The following TTI2 variants were observed in gnomAD, a reference collection of about 807,000 sequenced individuals.
The protein encoded by TTI2 is TELO2-interacting protein 2.
TTI2 carries 26 observed loss-of-function variants against 44.9 expected under a neutral mutation model. That is an observed-to-expected ratio of 0.58 (90% CI 0.42 to 0.80). The LOEUF (loss-of-function observed/expected upper bound fraction) is 0.80, where lower values mean the gene tolerates loss of function less well. TTI2 is among the 30% of genes least tolerant of loss of function. The pLI is 0.00. For synonymous variants in TTI2, 254 were observed against 250.9 expected, an observed-to-expected ratio of 1.01 and a Z score of -0.12; for missense variants, 582 against 611.6, an observed-to-expected ratio of 0.95 and a Z score of 0.51.
At chr8:33,503,139 A>C (rs201451995) in intron 6 of TTI2, among the ~76,000 whole-genome samples, 9 of 90,426 alleles carry the variant, frequency 1.0e-4, no homozygotes, top group East Asian at 5.9e-4. Flanking sequence ...AAAAAAAAAA[A>C]AAAAAAAAAC....
Position 33,512,725 on chromosome 8 carries a change from A to C in TTI2, c.-99-13T>G, listed in dbSNP as rs1219240692. 3 of 1,245,732 alleles carry C rather than the reference A, an allele frequency of 2.4e-6. No individual in the cohort carries two copies. Among genetic ancestry groups the C allele is most frequent in the African/African-American group, 1.5e-5 (1 of 65,924 alleles). 77.2% of individuals were successfully genotyped at this position (1,245,732 alleles called of 1,614,324 possible). On this transcript the variant is annotated splice_polypyrimidine_tract_variant and intron_variant, in intron 1 of 7. Transcript: ENST00000431156. The stretch of plus-strand genomic sequence containing the variant: ...CACCCAAAGAGAACTAAAATCAAAT[A>C]AAATAAAACAGAGAGATGTCTTGGA...
intron 2 of TTI2, among the ~76,000 whole-genome samples, chr8:33,510,246 G>A (rs1486525870): frequency 1.3e-5 from 2 of 152,094 alleles, no homozygotes; most frequent in Non-Finnish European, 2.9e-5. Flanking sequence ...AGGGAGGGAG[G>A]AGTAAAGGAA....
Position 33,512,095 on chromosome 8 carries a change from C to A in TTI2, c.519G>T (p.Arg173Ser), listed in dbSNP as rs1230816795. The A allele has an allele frequency of 6.2e-7, 1 of 1,614,078 alleles. No individual in the cohort carries two copies. The highest frequency in any genetic ancestry group is 1.1e-5 in the South Asian group (1 of 91,078). The change falls in exon 2 of 8, where the codon AGG (arginine) becomes AGT (serine). Residue 173 changes from arginine to serine, a missense_variant. By Grantham distance (110) the Arg-to-Ser change is moderately radical (BLOSUM62 -1). Transcript: ENST00000431156. Reference sequence around the variant, plus strand: ...CTTGAAGCAGTGAGGTGAGCACCTCCCTAGCAACTTCCCGAGATCTCGGAG... The same window carrying A: ...CTTGAAGCAGTGAGGTGAGCACCTCACTAGCAACTTCCCGAGATCTCGGAG... ...WTTPRSREVA[R>S]EVLTSLLQVT...
In TTI2 at chr8:33,503,297, T is replaced by C. The variant is rs1809168746; in HGVS notation, c.1259+132A>G. ...GCCATTTTCTCAGTTTAAAATCCTA[T>C]AGGTGTGTGAAAATGGGAGGTATTC... On this transcript the variant is annotated intron_variant, in intron 6 of 7. Coordinates refer to ENST00000431156, the MANE Select transcript of TTI2 (RefSeq NM_001102401.4). 45 of 1,277,490 alleles carry C rather than the reference T, an allele frequency of 3.5e-5. No homozygotes were observed. The South Asian group carries it at 4.1e-4, about 12-fold the overall frequency. 79.1% of individuals were successfully genotyped at this position (1,277,490 alleles called of 1,614,324 possible). A position where few individuals can be genotyped will look rare whatever the true frequency, so the allele number is the denominator to read the frequency against.
chr8:33,507,177 C>G, intron 4 of TTI2, 52 bp downstream of exon 4: 2 of 1,491,946 alleles, frequency 1.3e-6, no homozygotes, highest in South Asian at 2.3e-5. Context: ...ATGCAACCTT[C>G]TACTCAAATT....
At position 33,503,595 on chromosome 8, in the gene TTI2, G is replaced by T. The variant is rs190052420; in HGVS notation, c.1116-23C>A. On this transcript the variant is annotated intron_variant, in intron 5 of 7. Transcript: ENST00000431156. ...AACCTAAAGATGAAAGAGAAAATAT[G>T]ACGCCAGTGCAGTGGCTCATGCCTG... is the stretch of plus-strand genomic sequence containing the variant. 1,696 of 1,613,106 alleles carry T rather than the reference G, an allele frequency of 1.1e-3. 8 individuals carry two copies. The highest frequency in any genetic ancestry group is 3.9e-3 in the East Asian group (174 of 44,884).
At chr8:33,509,648 A>G in intron 3 of TTI2, 98 bp downstream of exon 3, 2 of 1,229,254 alleles carry the variant, frequency 1.6e-6, no homozygotes, top group Non-Finnish European at 2.4e-6. Flanking sequence ...AATACAAATA[A>G]GTAAAGTTGA....
intron 7 of TTI2, 23 bp from the exon 8 acceptor site, chr8:33,499,300 C>CT (rs768222227): frequency 6.5e-7 from 1 of 1,542,070 alleles, no homozygotes; most frequent in Non-Finnish European, 9.0e-7. Flanking sequence ...ACCAAACAGG[C>CT]TTTGATATTT....
In TTI2 at chr8:33,499,156, G is replaced by A; in HGVS notation, c.*17C>T. The A allele has an allele frequency of 1.3e-6, 2 of 1,593,776 alleles. No individual in the cohort carries two copies. Among genetic ancestry groups the A allele is most frequent in the South Asian group, 1.1e-5 (1 of 90,706 alleles). On this transcript the variant is annotated 3_prime_UTR_variant, in exon 8 of 8. Transcript: ENST00000431156. Reference sequence around the variant, plus strand: ...ATGGGAAGAAAATCCTTTCCTCTTGGGAAAGTAATACAAGTCTTAAGTTCC... The same window carrying A: ...ATGGGAAGAAAATCCTTTCCTCTTGAGAAAGTAATACAAGTCTTAAGTTCC...
Position 33,503,566 on chromosome 8 carries a change from C to A in TTI2, c.1122G>T (p.Gly374=). 3 of 1,613,918 alleles carry A rather than the reference C, an allele frequency of 1.9e-6. No individual in the cohort carries two copies. The highest frequency in any genetic ancestry group is 2.5e-6 in the Non-Finnish European group (3 of 1,180,020). The change falls in exon 6 of 8, where the codon GGG becomes GGT. Residue 374 remains glycine, a synonymous_variant. Transcript: ENST00000431156. ...RNLPAFVNRL[G]ILTVRHLKRL... ...TCTTTAAGTGCCGGACAGTTAGGAT[C>A]CCCAACCTAAAGATGAAAGAGAAAA...
rs145192530 is a variant in TTI2 at position 33,500,394 on chromosome 8, G to A, written c.1356C>T (p.Ser452=). The A allele has an allele frequency of 1.5e-4, 240 of 1,613,996 alleles. No homozygotes were observed. The highest frequency in any genetic ancestry group is 1.9e-4 in the Non-Finnish European group (229 of 1,180,034). ...DPNLTPESVK[S]ALLQEATDCL... ...AGTCTGTGGCCTCCTGTAGCAGGGC[G>A]CTCTTAACAGACTCAGGTGTAAGGT... Residue 452 remains serine (S), a synonymous_variant, in exon 7 of 8, where the codon AGC becomes AGT. Coordinates refer to ENST00000431156, the MANE Select transcript of TTI2 (RefSeq NM_001102401.4).
At chr8:33,502,149 G>T (rs181382591) in intron 6 of TTI2, among the ~76,000 whole-genome samples, 6 of 152,022 alleles carry the variant, frequency 3.9e-5, no homozygotes, top group African/African-American at 1.4e-4. Context: ...TCACCATATT[G>T]GCCAGGCTGG....
intron 4 of TTI2, among the ~76,000 whole-genome samples, chr8:33,506,778 C>G (rs767433119): frequency 5.3e-5 from 8 of 152,066 alleles, no homozygotes; most frequent in Non-Finnish European, 1.2e-4. Flanking sequence ...CTGCAACCTC[C>G]GCCACCCGGG....
intron 6 of TTI2, among the ~76,000 whole-genome samples, chr8:33,503,138 A>C (rs956584138): frequency 2.2e-5 from 2 of 90,294 alleles, no homozygotes; most frequent in African/African-American, 4.1e-5. Flanking sequence ...CAAAAAAAAA[A>C]AAAAAAAAAA....
rs752877920 is a variant in TTI2 at position 33,512,528 on chromosome 8, G to A, written c.86C>T (p.Ala29Val). 5.6e-6 allele frequency: 9 copies of A among 1,614,118 alleles called. No individual in the cohort carries two copies. Among genetic ancestry groups the A allele is most frequent in the Non-Finnish European group, 7.6e-6 (9 of 1,180,040 alleles). Residue 29 changes from alanine (A) to valine (V), a missense_variant, in exon 2 of 8, where the codon GCC (alanine) becomes GTC (valine). Physicochemically the swap from Ala to Val is moderately conservative, Grantham distance 64 (BLOSUM62 0). Coordinates refer to ENST00000431156, the MANE Select transcript of TTI2 (RefSeq NM_001102401.4). ...EELSHSAFGQ[A>V]FSKILHCLAR... ...AAGACAGTGTAAAATCTTGGAGAAG[G>A]CCTGTCCAAAGGCGGAGTGAGACAA...
At chr8:33,509,132 C>CAAAAAAAAAAAAAAAAAA (rs751009227) in intron 3 of TTI2, among the ~76,000 whole-genome samples, 1 of 97,104 alleles carries the variant, frequency 1.0e-5, no homozygotes, top group Non-Finnish European at 2.0e-5. Context: ...GATAATGTCT[C>CAAAAAAAAAAAAAAAAAA]AAAAAAAAAA....
At chr8:33,509,101 C>CT (rs1809413339) in intron 3 of TTI2, among the ~76,000 whole-genome samples, 1 of 147,444 alleles carries the variant, frequency 6.8e-6, no homozygotes, top group Non-Finnish European at 1.5e-5. Context: ...CAAGATCACA[C>CT]TCCAGCCCAG....
At chr8:33,512,777 G>A (rs1809605856) in intron 1 of TTI2, 65 bp from the exon 2 acceptor site, 1 of 753,292 alleles carries the variant, frequency 1.3e-6, no homozygotes, top group Non-Finnish European at 2.0e-6. Flanking sequence ...ACCGGGATAA[G>A]AATAAAGAGA....
Position 33,503,816 on chromosome 8 carries a change from G to A in TTI2, c.1047C>T (p.His349=), listed in dbSNP as rs140275385. The part of the protein sequence containing the change: ...CDEVLRLILT[H]MEPEHRLLLR... The stretch of plus-strand genomic sequence containing the variant: ...AAAGAAGGCGGTGCTCTGGCTCCAT[G>A]TGGGTCAGGATCAGCCGCAGGACCT... Residue 349 remains histidine, a synonymous_variant, in exon 5 of 8, where the codon CAC becomes CAT. Transcript: ENST00000431156. 9.3e-6 allele frequency: 15 copies of A among 1,614,152 alleles called. No individual in the cohort carries two copies. Among genetic ancestry groups the A allele is most frequent in the Non-Finnish European group, 1.3e-5 (15 of 1,180,032 alleles).
Sources: allele counts gnomAD v4.1 joint callset (sites outside exome capture counted in the v4.1 genomes callset), GRCh38; gene constraint gnomAD v4.1.1; transcripts MANE v1.5; gene names NCBI Gene and HGNC (gene_info 2026-07-23, HGNC 2026-07-21).